The following MTRFR variants were observed in gnomAD, a reference collection of about 807,000 sequenced individuals.
MTRFR encodes the protein probable peptide chain release factor C12orf65, mitochondrial.
Under a neutral mutation model 11.9 loss-of-function variants are expected in MTRFR, and 10 were observed. The observed-to-expected ratio is 0.84, with a 90% CI of 0.52 to 1.42. The LOEUF (loss-of-function observed/expected upper bound fraction) is 1.42. Ranked by LOEUF, MTRFR falls within the 40% of genes most tolerant of loss-of-function variation. The pLI is 0.00. For missense variants in MTRFR, 196 were observed against 197.9 expected (o/e 0.99, Z 0.06); for synonymous variants, 77 against 79.1 (o/e 0.97, Z 0.14).
chr12:123,237,039 T>G (rs2047862178), intron 1 of MTRFR, among the ~76,000 whole-genome samples: 1 of 150,268 alleles, frequency 6.7e-6, no homozygotes, highest in South Asian at 2.1e-4. Flanking sequence ...GAGCTGAGAT[T>G]GCGCCACTGC....
intron 1 of MTRFR, 78 bp from the exon 2 acceptor site, chr12:123,253,569 A>C: frequency 7.1e-7 from 1 of 1,414,110 alleles, no homozygotes; most frequent in South Asian, 1.2e-5. Context: ...GCTTTATAAA[A>C]AGCTGTCTTT....
chr12:123,233,874 G>A (rs2047778843), intron 1 of MTRFR: 1 of 152,644 alleles, frequency 6.6e-6, no homozygotes, highest in Non-Finnish European at 1.5e-5. Context: ...TGAGCGGAAT[G>A]GAGCTGTGAG....
At chr12:123,238,370 T>C (rs1327064301) in intron 1 of MTRFR, among the ~76,000 whole-genome samples, 3 of 152,174 alleles carry the variant, frequency 2.0e-5, no homozygotes, top group Non-Finnish European at 2.9e-5. Flanking sequence ...TATTAGGTCA[T>C]TGTTTTGAGA....
intron 1 of MTRFR, among the ~76,000 whole-genome samples, chr12:123,244,740 C>T (rs190663808): frequency 6.6e-5 from 10 of 151,922 alleles, no homozygotes; most frequent in Non-Finnish European, 1.2e-4. Context: ...TCAAGCGATT[C>T]TCCTGCCTCA....
rs201799222 is a variant in MTRFR, at chr12:123,253,683, C to T, written c.9C>T (p.Thr3=). The change falls in exon 2 of 3, where the codon ACC becomes ACT. Residue 3 remains threonine (T), a synonymous_variant. Transcript: ENST00000253233. ...GCAGAGCCACGTTCCTTATGAGCAC[C>T]GTGGGTTTATTTCATTTTCCTACAC... is the stretch of plus-strand genomic sequence containing the variant. The part of the protein sequence containing the change: MS[T]VGLFHFPTPL... 8.7e-6 allele frequency: 14 copies of T among 1,614,120 alleles called. No homozygotes were observed. Among genetic ancestry groups the T allele is most frequent in the African/African-American group, 4.0e-5 (3 of 75,020 alleles).
chr12:123,257,851 A>G lies in MTRFR; in HGVS notation c.*820A>G, dbSNP rs891013736. The G allele has an allele frequency of 1.3e-5, 2 of 152,260 alleles. No individual in the cohort carries two copies. Among genetic ancestry groups the G allele is most frequent in the African/African-American group, 4.8e-5 (2 of 41,464 alleles). 9.4% of individuals were successfully genotyped at this position (152,260 alleles called of 1,614,324 possible). ...AGTTCTGTTTCTTCACCTGGGTGGT[A>G]GTTAGAAGGGTGTCCCCGTATTTCA... On this transcript the variant is annotated 3_prime_UTR_variant, in exon 3 of 3. Coordinates refer to ENST00000253233, the MANE Select transcript of MTRFR (RefSeq NM_152269.5).
chr12:123,257,306 G>C lies in MTRFR; in HGVS notation c.*275G>C. On this transcript the variant is annotated 3_prime_UTR_variant, in exon 3 of 3. Transcript: ENST00000253233. ...GAGGCGGGCGGATCACTTGAGGTCA[G>C]GAGTTTGAGACCAGCCTGGCCAACA... The C allele has an allele frequency of 2.8e-6, 1 of 362,746 alleles. No homozygotes were observed. The highest frequency in any genetic ancestry group is 2.8e-5 in the South Asian group (1 of 36,180). 22.5% of individuals were successfully genotyped at this position (362,746 alleles called of 1,614,324 possible).
At chr12:123,250,311 G>C (rs1253715470) in intron 1 of MTRFR, 1 of 151,922 alleles carries the variant, frequency 6.6e-6, no homozygotes, top group South Asian at 2.1e-4. Flanking sequence ...CCTTACATTG[G>C]GCTTCACCTT....
At chr12:123,240,118 CTT>C (rs1194246547) in intron 1 of MTRFR, among the ~76,000 whole-genome samples, 1 of 150,984 alleles carries the variant, frequency 6.6e-6, no homozygotes, top group African/African-American at 2.4e-5. Context: ...AATCCCAGCA[CTT>C]TGAGAGGCTG....
Position 123,255,974 on chromosome 12 carries a change from C to T in MTRFR, c.283-839C>T, listed in dbSNP as rs376486431. Among the ~76,000 whole-genome samples the T allele has an allele frequency of 5.3e-4, 81 of 152,172 alleles. 2 individuals are homozygous for T. The South Asian group carries it at 0.016, about 29-fold the overall frequency. On this transcript the variant is annotated intron_variant, in intron 2 of 2. Coordinates refer to ENST00000253233, the MANE Select transcript of MTRFR (RefSeq NM_152269.5). ...CAGATGGGGGGTCTTGCTATGTTGC[C>T]CACGCTGGTCTCAAACTCCAGCCCT...
At chr12:123,244,824 G>C (rs1238907195) in intron 1 of MTRFR, among the ~76,000 whole-genome samples, 1 of 151,420 alleles carries the variant, frequency 6.6e-6, no homozygotes, top group Admixed American at 6.6e-5. Context: ...GTAGAGATGG[G>C]GTTTCACCAT....
At chr12:123,241,188 C>T (rs542576174) in intron 1 of MTRFR, among the ~76,000 whole-genome samples, 23 of 150,894 alleles carry the variant, frequency 1.5e-4, no homozygotes, top group Middle Eastern at 6.8e-3. Context: ...GATGGAGTCT[C>T]ACTATGTTGC....
intron 1 of MTRFR, among the ~76,000 whole-genome samples, chr12:123,236,311 C>T (rs1206946026): frequency 1.3e-5 from 2 of 151,920 alleles, no homozygotes; most frequent in African/African-American, 4.8e-5. Context: ...AAGTGCTTTG[C>T]AGCTGCACGT....
chr12:123,253,787 T>G lies in MTRFR; in HGVS notation c.113T>G (p.Val38Gly). 1 of 1,614,172 alleles carries G rather than the reference T, an allele frequency of 6.2e-7. No homozygotes were observed. Among genetic ancestry groups the G allele is most frequent in the Non-Finnish European group, 8.5e-7 (1 of 1,180,034 alleles). ...KLTLLSPGIAVTPVQMAGKKD... is the reference protein window; with the variant it reads ...KLTLLSPGIAGTPVQMAGKKD... ...ACGTTGTTATCCCCAGGAATAGCTG[T>G]CACTCCGGTCCAGATGGCAGGCAAG... Residue 38 changes from valine (V) to glycine (G), a missense_variant, in exon 2 of 3, where the codon GTC becomes GGC. By Grantham distance (109) the Val-to-Gly change is moderately radical. Coordinates refer to ENST00000253233, the MANE Select transcript of MTRFR (RefSeq NM_152269.5).
chr12:123,251,847 G>C (rs1042557498), intron 1 of MTRFR, among the ~76,000 whole-genome samples: 1 of 152,176 alleles, frequency 6.6e-6, no homozygotes, highest in Non-Finnish European at 1.5e-5. Flanking sequence ...CCTGCCTCCT[G>C]TCTGCTATGA....
At chr12:123,236,153 T>C (rs565066814) in intron 1 of MTRFR, among the ~76,000 whole-genome samples, 34 of 152,116 alleles carry the variant, frequency 2.2e-4, no homozygotes, top group Middle Eastern at 3.4e-3. Context: ...TCTGGAGATA[T>C]GAAAGGTAAT....
chr12:123,253,962 T>C lies in MTRFR; in HGVS notation c.282+6T>C. ...CCTCAGGCATCGTTGTAAAGGTAGA[T>C]CACAGAAGGCCGCTGAGGGGAGAGG... On this transcript the variant is annotated splice_donor_region_variant and intron_variant, in intron 2 of 2. Transcript: ENST00000253233. 6.2e-7 allele frequency: 1 copy of C among 1,614,040 alleles called. No individual in the cohort carries two copies. Among genetic ancestry groups the C allele is most frequent in the Non-Finnish European group, 8.5e-7 (1 of 1,179,964 alleles).
intron 1 of MTRFR, among the ~76,000 whole-genome samples, chr12:123,247,814 G>A (rs1049452715): frequency 6.6e-5 from 10 of 151,994 alleles, no homozygotes; most frequent in South Asian, 4.2e-4. Context: ...GCGTGGTAGC[G>A]GGCACCTATA....
rs902661257 is a variant in MTRFR, at chr12:123,257,832, G to C, written c.*801G>C. Reference sequence around the variant, plus strand: ...GTTCTGGGGTGCCTGACAAAGTTCTGTTTCTTCACCTGGGTGGTAGTTAGA... The same window carrying C: ...GTTCTGGGGTGCCTGACAAAGTTCTCTTTCTTCACCTGGGTGGTAGTTAGA... On this transcript the variant is annotated 3_prime_UTR_variant, in exon 3 of 3. Coordinates refer to ENST00000253233, the MANE Select transcript of MTRFR (RefSeq NM_152269.5). The C allele has an allele frequency of 7.2e-5, 11 of 152,386 alleles. No individual in the cohort carries two copies. The highest frequency in any genetic ancestry group is 5.9e-4 in the Admixed American group (9 of 15,302). 9.4% of individuals were successfully genotyped at this position (152,386 alleles called of 1,614,324 possible). A position where few individuals can be genotyped will look rare whatever the true frequency, so the allele number is the denominator to read the frequency against.
Sources: gnomAD v4.1 joint callset for allele counts (sites outside exome capture counted in the v4.1 genomes callset) on GRCh38, gnomAD v4.1.1 for gene constraint, MANE v1.5 for transcripts, NCBI Gene and HGNC (gene_info 2026-07-23, HGNC 2026-07-21) for gene names.